The following FKBP5 variants were observed in gnomAD, a reference collection of about 807,000 sequenced individuals.
FKBP5 encodes peptidyl-prolyl cis-trans isomerase FKBP5.
Under a neutral mutation model 50.5 loss-of-function variants are expected in FKBP5, and 23 were observed. That is an observed-to-expected ratio of 0.46 (90% confidence interval 0.33 to 0.65). The LOEUF is 0.65. Ranked by LOEUF, FKBP5 falls within the 30% of genes least tolerant of loss-of-function variation. The pLI, the probability that FKBP5 is intolerant of heterozygous loss-of-function variation, is 0.02. For synonymous variants in FKBP5, 176 were observed against 190.6 expected, an observed-to-expected ratio of 0.92 and a Z score of 0.63; for missense variants, 411 against 553.1, an observed-to-expected ratio of 0.74 and a Z score of 2.58.
At chr6:35,610,131 G>C (rs773053122) in intron 5 of FKBP5, among the ~76,000 whole-genome samples, 2 of 152,120 alleles carry the variant, frequency 1.3e-5, no homozygotes, top group African/African-American at 2.4e-5. Context: ...TAAGGGTGAA[G>C]ATTTCACAAA....
intron 9 of FKBP5, among the ~76,000 whole-genome samples, chr6:35,578,022 C>A (rs1210838907): frequency 1.4e-5 from 2 of 147,024 alleles, no homozygotes; most frequent in African/African-American, 5.1e-5. Context: ...CCACTGCACT[C>A]CAGGCTGGGT....
At chr6:35,652,070 C>G (rs1270610872) in intron 1 of FKBP5, 1 of 175,956 alleles carries the variant, frequency 5.7e-6, no homozygotes, top group African/African-American at 2.4e-5. Flanking sequence ...TTATGCCTGT[C>G]TTTACTGCAC....
chr6:35,610,219 T>G (rs1179816322), intron 5 of FKBP5, among the ~76,000 whole-genome samples: 1 of 152,144 alleles, frequency 6.6e-6, no homozygotes, highest in Non-Finnish European at 1.5e-5. Context: ...ACTTTAGTAT[T>G]ATTTACTGTG....
intron 3 of FKBP5, among the ~76,000 whole-genome samples, chr6:35,629,474 AG>A (rs1210887511): frequency 6.6e-6 from 1 of 152,216 alleles, no homozygotes; most frequent in East Asian, 1.9e-4. Context: ...AACTAATCAC[AG>A]GATAATCCCT....
Position 35,722,541 on chromosome 6 carries a change from C to T in FKBP5, c.-240-1993G>A, listed in dbSNP as rs983866982. 7.9e-5 allele frequency among the ~76,000 whole-genome samples: 12 copies of T among 152,244 alleles called. No individual in the cohort carries two copies. In the East Asian group the frequency reaches 9.7e-4, roughly 12 times the overall value. ...ATAAAGGTCAACTCTTGCTGGAACACGAGGTTCTGCACCATCTGGGCTTGC... is the reference window on the plus strand; with the variant it reads ...ATAAAGGTCAACTCTTGCTGGAACATGAGGTTCTGCACCATCTGGGCTTGC... On this transcript the variant is annotated intron_variant, in intron 1 of 11. Coordinates refer to the FKBP5 transcript ENST00000536438.
intron 1 of FKBP5, among the ~76,000 whole-genome samples, chr6:35,667,480 T>C (rs1291453748): frequency 5.9e-5 from 9 of 152,326 alleles, no homozygotes; most frequent in Non-Finnish European, 1.3e-4. Context: ...AAAAGAATCC[T>C]TAAAATGATT....
At chr6:35,699,706 C>G (rs1338986137) in intron 2 of FKBP5, among the ~76,000 whole-genome samples, 1 of 152,168 alleles carries the variant, frequency 6.6e-6, no homozygotes, top group Non-Finnish European at 1.5e-5. Context: ...ACTCCCCACA[C>G]ACAATGGTGA....
At chr6:35,720,046 C>T (rs990577333) in intron 2 of FKBP5, among the ~76,000 whole-genome samples, 4 of 150,010 alleles carry the variant, frequency 2.7e-5, no homozygotes, top group East Asian at 2.0e-4. Context: ...AGAAGCAGCT[C>T]GGCAGTTGGG....
chr6:35,608,141 G>A (rs10807152), intron 5 of FKBP5, among the ~76,000 whole-genome samples: 125,323 of 152,078 alleles, frequency 0.82, 51,766 homozygotes, highest in African/African-American at 0.84. Context: ...CAAATACTGC[G>A]TGTTCTCACT....
At chr6:35,583,159 GTGT>G (rs1762492395) in intron 8 of FKBP5, 1 of 985,282 alleles carries the variant, frequency 1.0e-6, no homozygotes, top group Admixed American at 6.1e-5. Context: ...GAAATGAAAA[GTGT>G]TGTTTCACTG....
chr6:35,577,138 A>G lies in FKBP5; in HGVS notation c.1122T>C (p.Phe374=), dbSNP rs762796041. ...GGGGGTTTACTTCCAGCACTTTCTC[A>G]AAGTCACCCTTGGCTGACTCAAACT... ...MNEFESAKGD[F]EKVLEVNPQN... The change falls in exon 10 of 11, where the codon TTT becomes TTC. Residue 374 remains phenylalanine (F), a synonymous_variant. Transcript: ENST00000357266. The G allele has an allele frequency of 9.9e-6, 16 of 1,613,994 alleles. No individual in the cohort carries two copies. In the Admixed American group the frequency reaches 2.5e-4, roughly 25 times the overall value.
At chr6:35,641,154 A>T (rs1375722058) in intron 2 of FKBP5, among the ~76,000 whole-genome samples, 2 of 151,374 alleles carry the variant, frequency 1.3e-5, no homozygotes, top group Non-Finnish European at 2.9e-5. Flanking sequence ...AATTTTTTTA[A>T]TTTTTTTTCT....
intron 1 of FKBP5, among the ~76,000 whole-genome samples, chr6:35,721,187 A>T (rs2151024646): frequency 6.6e-6 from 1 of 152,202 alleles, no homozygotes; most frequent in African/African-American, 2.4e-5. Context: ...CCCCGTCTCT[A>T]CTAAAAATAC....
chr6:35,701,936 C>T (rs917635039), intron 2 of FKBP5, among the ~76,000 whole-genome samples: 1 of 152,004 alleles, frequency 6.6e-6, no homozygotes. Flanking sequence ...CAACCTCTGC[C>T]TCCCAGGCTC....
At chr6:35,696,409 G>A (rs1766082152) in intron 2 of FKBP5, among the ~76,000 whole-genome samples, 1 of 151,654 alleles carries the variant, frequency 6.6e-6, no homozygotes, top group Non-Finnish European at 1.5e-5. Context: ...CTACTCAGGA[G>A]GCTGAGGTGG....
chr6:35,623,166 CAGA>C (rs1763898130), intron 3 of FKBP5, among the ~76,000 whole-genome samples: 1 of 152,232 alleles, frequency 6.6e-6, no homozygotes, highest in South Asian at 2.1e-4. Context: ...GGCGTGAACC[CAGA>C]AGGAGGAGCT....
chr6:35,628,068 C>T lies in FKBP5; in HGVS notation c.251-7794G>A, dbSNP rs558659252. ...CATTACAGGTGTGAGCCACTGTGCC[C>T]GGCCTTCCTCCATATTCTTATGGGA... On this transcript the variant is annotated intron_variant, in intron 3 of 10. Coordinates refer to ENST00000357266, the MANE Select transcript of FKBP5 (RefSeq NM_004117.4). 3.8e-4 allele frequency among the ~76,000 whole-genome samples: 58 copies of T among 151,828 alleles called. 1 individual carries two copies. The highest frequency in any genetic ancestry group is 1.4e-3 in the African/African-American group (57 of 41,398).
At position 35,637,123 on chromosome 6, in the gene FKBP5, C is replaced by T. The variant is rs748770196; in HGVS notation, c.141G>A (p.Pro47=). Residue 47 remains proline (P), a synonymous_variant, in exon 3 of 11, where the codon CCG becomes CCA. Coordinates refer to ENST00000357266, the MANE Select transcript of FKBP5 (RefSeq NM_004117.4). ...GGACATAAACTTTGTCTCCAATCAT[C>T]GGCGTTTCCTCACCATTCCCCACTC... is the stretch of plus-strand genomic sequence containing the variant. ...VKRVGNGEET[P]MIGDKVYVHY... The T allele has an allele frequency of 6.2e-6, 10 of 1,609,734 alleles. No individual in the cohort carries two copies. The highest frequency in any genetic ancestry group is 5.4e-5 in the African/African-American group (4 of 74,620).
Position 35,597,321 on chromosome 6 carries a change from T to C in FKBP5, c.592A>G (p.Ile198Val). The change falls in exon 6 of 11, where the codon ATT becomes GTT. Residue 198 changes from isoleucine (I) to valine (V), a missense_variant. Ile to Val is a conservative substitution (Grantham distance 29, BLOSUM62 3). Around this residue, in one of 3 missense-constraint regions of FKBP5, gnomAD observed 267 missense variants for 405.9 expected, o/e 0.66. Transcript: ENST00000357266. The part of the protein sequence containing the change: ...FTVGEGEDHD[I>V]PIGIDKALEK... ...AGAGCTTTGTCAATTCCAATTGGAATGTCGTGGTCTTCTCCTTCGCCCACA... is the reference window on the plus strand; with the variant it reads ...AGAGCTTTGTCAATTCCAATTGGAACGTCGTGGTCTTCTCCTTCGCCCACA... 1 of 1,614,204 alleles carries C rather than the reference T, an allele frequency of 6.2e-7. No homozygotes were observed. The highest frequency in any genetic ancestry group is 8.5e-7 in the Non-Finnish European group (1 of 1,180,032).
Sources: allele counts gnomAD v4.1 joint callset (sites outside exome capture counted in the v4.1 genomes callset), GRCh38; gene constraint gnomAD v4.1.1; regional missense constraint gnomAD v4.1.1; transcripts MANE v1.5; gene names NCBI Gene and HGNC (gene_info 2026-07-23, HGNC 2026-07-21).